The following DOCK3 variants were observed in gnomAD, a reference collection of about 807,000 sequenced individuals.
DOCK3 encodes the protein dedicator of cytokinesis protein 3.
Under a neutral mutation model 265.6 loss-of-function variants are expected in DOCK3, and 60 were observed. The ratio of observed to expected loss-of-function variants is 0.23; its 90% confidence interval spans 0.18 to 0.28. DOCK3 has a LOEUF of 0.28. Ranked by LOEUF, DOCK3 falls within the 10% of genes least tolerant of loss-of-function variation. The probability of loss-of-function intolerance (pLI) is 1.00; values close to 1 mark genes in which losing one functional copy is unlikely to be tolerated. For synonymous variants in DOCK3, 881 were observed against 938.0 expected (o/e 0.94, Z 1.11); for missense variants, 1,981 against 2,594.3 (o/e 0.76, Z 5.14).
At chr3:50,755,970 G>A (rs1379763755) in intron 1 of DOCK3, among the ~76,000 whole-genome samples, 1 of 152,206 alleles carries the variant, frequency 6.6e-6, no homozygotes, top group Non-Finnish European at 1.5e-5. Context: ...TTATTAAAAA[G>A]TTTTAGAGCA....
chr3:50,730,596 G>A (rs1422720693), intron 1 of DOCK3, among the ~76,000 whole-genome samples: 3 of 152,134 alleles, frequency 2.0e-5, no homozygotes, highest in Non-Finnish European at 4.4e-5. Flanking sequence ...GGGAGGTCGA[G>A]GTGGGAGGGT....
Position 51,236,358 on chromosome 3 carries a change from T to G in DOCK3, c.1931T>G (p.Ile644Ser). ...ATGTTGTTTTAGTTTCTGCAGGACA[T>G]CTTAGATACACTCTTTGTGATTTTG... Reference protein sequence around the residue: ...GEEIVKFLQDILDTLFVILDD... With the variant: ...GEEIVKFLQDSLDTLFVILDD... Residue 644 changes from isoleucine to serine, a missense_variant, in exon 20 of 53, where the codon ATC becomes AGC. Ile to Ser is a moderately radical substitution (Grantham distance 142, BLOSUM62 -2). Transcript: ENST00000266037. The G allele has an allele frequency of 6.2e-7, 1 of 1,613,686 alleles. No individual in the cohort carries two copies. The highest frequency in any genetic ancestry group is 8.5e-7 in the Non-Finnish European group (1 of 1,179,636).
intron 5 of DOCK3, among the ~76,000 whole-genome samples, chr3:51,051,439 T>C (rs919830134): frequency 2.6e-5 from 4 of 152,158 alleles, no homozygotes; most frequent in Non-Finnish European, 4.4e-5. Context: ...AGGCAAGAAA[T>C]GTGGTATGGT....
chr3:51,214,624 G>T (rs1312872872), intron 14 of DOCK3, among the ~76,000 whole-genome samples: 1 of 152,092 alleles, frequency 6.6e-6, no homozygotes, highest in East Asian at 1.9e-4. Flanking sequence ...CTGCTTAAGG[G>T]GAAGAATATA....
intron 2 of DOCK3, among the ~76,000 whole-genome samples, chr3:50,827,223 A>G (rs751095132): frequency 6.6e-6 from 1 of 152,320 alleles, no homozygotes; most frequent in Middle Eastern, 3.4e-3. Flanking sequence ...AATGTGTGTT[A>G]TATGTTATCT....
intron 9 of DOCK3, among the ~76,000 whole-genome samples, chr3:51,143,566 A>G (rs2085164382): frequency 6.6e-6 from 1 of 152,138 alleles, no homozygotes; most frequent in South Asian, 2.1e-4. Context: ...CACCACACCC[A>G]GCCCTCACTG....
intron 12 of DOCK3, among the ~76,000 whole-genome samples, chr3:51,194,651 A>T (rs968847190): frequency 6.6e-6 from 1 of 152,102 alleles, no homozygotes; most frequent in African/African-American, 2.4e-5. Flanking sequence ...TTATCATTAT[A>T]TAATGACCTT....
intron 5 of DOCK3, among the ~76,000 whole-genome samples, chr3:51,061,993 C>T (rs1041384000): frequency 4.6e-5 from 7 of 152,132 alleles, no homozygotes; most frequent in Admixed American, 2.0e-4. Flanking sequence ...AATTCTGGCA[C>T]CTCTACCTAC....
intron 2 of DOCK3, among the ~76,000 whole-genome samples, chr3:50,819,982 C>A (rs913155380): frequency 1.3e-5 from 2 of 151,946 alleles, no homozygotes; most frequent in African/African-American, 2.4e-5. Flanking sequence ...ACAACAACAA[C>A]AAAAAATGCC....
intron 5 of DOCK3, among the ~76,000 whole-genome samples, chr3:50,941,916 G>A (rs902367604): frequency 6.6e-6 from 1 of 152,076 alleles, no homozygotes; most frequent in African/African-American, 2.4e-5. Context: ...GAGTGTGACT[G>A]TTAAGGCTTA....
chr3:50,886,854 A>T (rs564497625), intron 3 of DOCK3, among the ~76,000 whole-genome samples: 1 of 152,182 alleles, frequency 6.6e-6, no homozygotes, highest in Non-Finnish European at 1.5e-5. Flanking sequence ...TCTGGGATAC[A>T]TTAAAAGCAA....
intron 5 of DOCK3, among the ~76,000 whole-genome samples, chr3:51,061,563 G>A (rs867255960): frequency 6.6e-6 from 1 of 152,014 alleles, no homozygotes; most frequent in Admixed American, 6.5e-5. Flanking sequence ...GGCCTGATGT[G>A]GGGTGGGGAG....
At chr3:50,959,218 G>A (rs2076816202) in intron 5 of DOCK3, among the ~76,000 whole-genome samples, 1 of 152,086 alleles carries the variant, frequency 6.6e-6, no homozygotes, top group Non-Finnish European at 1.5e-5. Context: ...TGATGAATGG[G>A]TTGATTTTAT....
intron 2 of DOCK3, among the ~76,000 whole-genome samples, chr3:50,814,757 T>G (rs1187246565): frequency 6.6e-6 from 1 of 152,182 alleles, no homozygotes; most frequent in East Asian, 1.9e-4. Context: ...TTTTTTTAGT[T>G]TTTTGTTTCT....
At chr3:51,200,611 C>G (rs2088676038) in intron 12 of DOCK3, among the ~76,000 whole-genome samples, 1 of 151,750 alleles carries the variant, frequency 6.6e-6, no homozygotes, top group African/African-American at 2.4e-5. Flanking sequence ...GAATATTATC[C>G]AGGAGAACTT....
chr3:50,880,383 G>C (rs2047960419), intron 3 of DOCK3, among the ~76,000 whole-genome samples: 1 of 152,126 alleles, frequency 6.6e-6, no homozygotes, highest in African/African-American at 2.4e-5. Flanking sequence ...CCACTAGCAA[G>C]TCTGATAAAG....
intron 5 of DOCK3, among the ~76,000 whole-genome samples, chr3:51,035,179 TC>T (rs1256336591): frequency 6.6e-5 from 10 of 152,242 alleles, no homozygotes; most frequent in Middle Eastern, 3.4e-3. Context: ...CAAATATTTT[TC>T]TGCCTCATTC....
intron 3 of DOCK3, among the ~76,000 whole-genome samples, chr3:50,879,847 C>T (rs1482199930): frequency 2.0e-5 from 3 of 152,210 alleles, no homozygotes; most frequent in Non-Finnish European, 2.9e-5. Context: ...AGCACTACAT[C>T]ACACTTATTC....
intron 22 of DOCK3, among the ~76,000 whole-genome samples, chr3:51,250,527 A>G (rs1229666511): frequency 6.6e-6 from 1 of 152,184 alleles, no homozygotes; most frequent in Non-Finnish European, 1.5e-5. Context: ...GCTGTGGCTC[A>G]AGAATTGCTT....
Sources: gnomAD v4.1 joint callset for allele counts (sites outside exome capture counted in the v4.1 genomes callset) on GRCh38, gnomAD v4.1.1 for gene constraint, MANE v1.5 for transcripts, NCBI Gene and HGNC (gene_info 2026-07-23, HGNC 2026-07-21) for gene names.